The following SMOC2 variants were observed in gnomAD, a reference collection of about 807,000 sequenced individuals.
SMOC2 encodes the protein SPARC-related modular calcium-binding protein 2.
SMOC2 carries 39 observed loss-of-function variants against 61.4 expected under a neutral mutation model. The ratio of observed to expected loss-of-function variants is 0.64; its 90% CI spans 0.49 to 0.83. The LOEUF (loss-of-function observed/expected upper bound fraction) is 0.83, where lower values mean the gene tolerates loss of function less well. Ranked by LOEUF, SMOC2 falls within the 40% of genes least tolerant of loss-of-function variation. The pLI is 0.00. For synonymous variants in SMOC2, 247 were observed against 239.9 expected, an observed-to-expected ratio of 1.03 and a Z score of -0.27; for missense variants, 556 against 592.9, an observed-to-expected ratio of 0.94 and a Z score of 0.65.
At chr6:168,585,689 T>G (rs1157990169) in intron 7 of SMOC2, among the ~76,000 whole-genome samples, 5 of 152,218 alleles carry the variant, frequency 3.3e-5, no homozygotes, top group African/African-American at 1.2e-4. Context: ...CTGGTTTGGG[T>G]TGTTCTAGCA....
intron 8 of SMOC2, among the ~76,000 whole-genome samples, chr6:168,602,382 T>C (rs576252082): frequency 1.3e-5 from 2 of 152,192 alleles, no homozygotes; most frequent in Non-Finnish European, 2.9e-5. Flanking sequence ...TGCGGCTTGT[T>C]CATGTTATAG....
chr6:168,469,645 C>A (rs1047398293), intron 1 of SMOC2, among the ~76,000 whole-genome samples: 2 of 152,216 alleles, frequency 1.3e-5, no homozygotes, highest in African/African-American at 4.8e-5. Flanking sequence ...TCTCCACCAG[C>A]AGAGCTGCTC....
At chr6:168,601,600 G>T (rs1437406121) in intron 8 of SMOC2, among the ~76,000 whole-genome samples, 3 of 152,138 alleles carry the variant, frequency 2.0e-5, no homozygotes, top group Non-Finnish European at 2.9e-5. Context: ...GCTCTGGCTG[G>T]TTTACAGTGC....
chr6:168,584,695 T>C (rs1187875332), intron 7 of SMOC2, among the ~76,000 whole-genome samples: 1 of 152,222 alleles, frequency 6.6e-6, no homozygotes, highest in East Asian at 1.9e-4. Context: ...TCTCATCTCT[T>C]AGAATTCCTA....
chr6:168,556,716 A>G (rs1447627674), intron 7 of SMOC2, among the ~76,000 whole-genome samples: 1 of 148,218 alleles, frequency 6.7e-6, no homozygotes, highest in African/African-American at 2.5e-5. Context: ...AACATTAGGT[A>G]TATCTCCTAA....
intron 2 of SMOC2, among the ~76,000 whole-genome samples, chr6:168,515,521 C>T (rs543000851): frequency 1.4e-5 from 2 of 141,622 alleles, no homozygotes; most frequent in Admixed American, 7.3e-5. Flanking sequence ...AAAAGGGGCT[C>T]CTGCCTCCCG....
At chr6:168,599,714 A>C (rs1785482996) in intron 8 of SMOC2, among the ~76,000 whole-genome samples, 1 of 139,196 alleles carries the variant, frequency 7.2e-6, no homozygotes, top group Non-Finnish European at 1.5e-5. Flanking sequence ...CCACAGTCAC[A>C]CACAACCACT....
chr6:168,444,972 G>C (rs1034353319), intron 1 of SMOC2, among the ~76,000 whole-genome samples: 6 of 152,188 alleles, frequency 3.9e-5, no homozygotes, highest in Non-Finnish European at 7.3e-5. Context: ...CTCACACTTA[G>C]AATGTTGAAG....
Position 168,523,079 on chromosome 6 carries a change from A to ATTCTTTTT in SMOC2, c.257-3265_257-3264insCTTTTTTT, listed in dbSNP as rs551183247. ...TTATGTTATTTGTAGTTGTACAGTA[A>ATTCTTTTT]TTTTTTTTTTTTTTTTTTTTGAGAC... On this transcript the variant is annotated intron_variant, in intron 2 of 12. Coordinates refer to ENST00000356284, the MANE Select transcript of SMOC2 (RefSeq NM_001166412.2). Among the ~76,000 whole-genome samples the ATTCTTTTT allele has an allele frequency of 4.3e-4, 40 of 93,694 alleles. 11 individuals are homozygous for ATTCTTTTT. Among genetic ancestry groups the ATTCTTTTT allele is most frequent in the South Asian group, 1.7e-3 (4 of 2,408 alleles). The allele number at this position is 93,694 out of a possible 152,430, so 61.5% of individuals were successfully genotyped here. A position where few individuals can be genotyped will look rare whatever the true frequency, so the allele number is the denominator to read the frequency against.
chr6:168,659,669 G>T (rs200871659), intron 11 of SMOC2, among the ~76,000 whole-genome samples: 2 of 124,702 alleles, frequency 1.6e-5, no homozygotes, highest in Non-Finnish European at 3.5e-5. Flanking sequence ...TTGTAGGCTG[G>T]GTGAGGGTGG....
At chr6:168,485,733 A>C (rs898995298) in intron 1 of SMOC2, among the ~76,000 whole-genome samples, 3 of 152,254 alleles carry the variant, frequency 2.0e-5, no homozygotes, top group South Asian at 4.1e-4. Context: ...TGATGAAAAA[A>C]ATTTTAATAT....
intron 7 of SMOC2, among the ~76,000 whole-genome samples, chr6:168,562,333 TCACTGTGTTCTCG>T (rs1784436512): frequency 2.9e-5 from 4 of 138,030 alleles, no homozygotes; most frequent in African/African-American, 8.9e-5. Context: ...CACGAGGCTC[TCACTGTGTTCTCG>T]GAGGAGGTGT....
At chr6:168,624,528 A>G in intron 9 of SMOC2, among the ~76,000 whole-genome samples, 1 of 148,738 alleles carries the variant, frequency 6.7e-6, no homozygotes. Flanking sequence ...ACAACAATAC[A>G]GATTCACACA....
chr6:168,457,045 T>C (rs1781602343), intron 1 of SMOC2, among the ~76,000 whole-genome samples: 1 of 152,254 alleles, frequency 6.6e-6, no homozygotes, highest in Admixed American at 6.5e-5. Flanking sequence ...CTCCATTTTC[T>C]CCTTCTGGCA....
At chr6:168,569,945 A>AT (rs1784626456) in intron 7 of SMOC2, among the ~76,000 whole-genome samples, 1 of 152,024 alleles carries the variant, frequency 6.6e-6, no homozygotes, top group South Asian at 2.1e-4. Flanking sequence ...GGTCACCTAG[A>AT]TTTTCTCCTG....
At chr6:168,531,953 G>A (rs1259780002) in intron 4 of SMOC2, among the ~76,000 whole-genome samples, 5 of 152,178 alleles carry the variant, frequency 3.3e-5, no homozygotes, top group Non-Finnish European at 7.4e-5. Context: ...TGGAGAGTGG[G>A]GTGAGGTTGA....
chr6:168,555,595 C>G (rs1415517900), intron 7 of SMOC2, among the ~76,000 whole-genome samples: 10 of 152,218 alleles, frequency 6.6e-5, no homozygotes, highest in Non-Finnish European at 1.2e-4. Flanking sequence ...GTTACAAGGT[C>G]CCACTCATAG....
At chr6:168,596,587 T>C (rs1319522621) in intron 7 of SMOC2, among the ~76,000 whole-genome samples, 1 of 152,222 alleles carries the variant, frequency 6.6e-6, no homozygotes, top group Admixed American at 6.5e-5. Flanking sequence ...CAGCTGCTGC[T>C]CTCCGGAGGC....
chr6:168,482,644 C>T (rs1202218992), intron 1 of SMOC2, among the ~76,000 whole-genome samples: 3 of 151,860 alleles, frequency 2.0e-5, no homozygotes, highest in Non-Finnish European at 4.4e-5. Context: ...ACATCGATGC[C>T]AAAATCTTCA....
Sources: allele counts gnomAD v4.1 joint callset (sites outside exome capture counted in the v4.1 genomes callset), GRCh38; gene constraint gnomAD v4.1.1; transcripts MANE v1.5; gene names NCBI Gene and HGNC (gene_info 2026-07-23, HGNC 2026-07-21).